The following SLCO4A1 variants were observed in gnomAD, a reference collection of about 807,000 sequenced individuals.
The protein encoded by SLCO4A1 is colon organic anion transporter.
In SLCO4A1, 51 loss-of-function variants were observed where a neutral mutation model predicts 64.6. The ratio of observed to expected loss-of-function variants is 0.79; its 90% CI spans 0.63 to 1.00. The LOEUF is 1.00. Ranked by LOEUF, SLCO4A1 falls within the 50% of genes least tolerant of loss-of-function variation. The pLI, the probability that SLCO4A1 is intolerant of heterozygous loss-of-function variation, is 0.00. For missense variants in SLCO4A1, 919 were observed against 980.5 expected, an observed-to-expected ratio of 0.94 and a Z score of 0.84; for synonymous variants, 471 against 444.9, an observed-to-expected ratio of 1.06 and a Z score of -0.74.
intron 2 of SLCO4A1, among the ~76,000 whole-genome samples, chr20:62,683,226 T>A (rs1456785676): frequency 6.6e-6 from 1 of 152,196 alleles, no homozygotes; most frequent in Non-Finnish European, 1.5e-5. Flanking sequence ...TTCTCTTGTG[T>A]TTAATTCATA....
At chr20:62,648,100 C>CCGGCTGAT (rs1443405451) in intron 1 of SLCO4A1, among the ~76,000 whole-genome samples, 9 of 152,268 alleles carry the variant, frequency 5.9e-5, no homozygotes, top group African/African-American at 1.9e-4. Flanking sequence ...ACATTATCCC[C>CCGGCTGAT]CGGCTGATCG....
intron 1 of SLCO4A1, among the ~76,000 whole-genome samples, chr20:62,655,113 C>G (rs527253307): frequency 1.3e-5 from 2 of 152,366 alleles, no homozygotes; most frequent in East Asian, 3.9e-4. Context: ...AAGACAGCTT[C>G]TTTTAGGGGT....
chr20:62,686,502 G>T (rs774876562), downstream of SLCO4A1, among the ~76,000 whole-genome samples: 8 of 152,186 alleles, frequency 5.3e-5, no homozygotes, highest in Middle Eastern at 3.2e-3. Context: ...GGGAGGGGCC[G>T]GCAGCTGCCT....
At chr20:62,684,658 C>T (rs1346012099) in intron 2 of SLCO4A1, among the ~76,000 whole-genome samples, 2 of 152,166 alleles carry the variant, frequency 1.3e-5, no homozygotes, top group African/African-American at 2.4e-5. Context: ...GCCACTGACA[C>T]GAGCTCATTC....
chr20:62,659,600 G>A (rs1984390455), intron 3 of SLCO4A1, among the ~76,000 whole-genome samples: 1 of 152,098 alleles, frequency 6.6e-6, no homozygotes, highest in Non-Finnish European at 1.5e-5. Flanking sequence ...GCCCCTTCTG[G>A]CTCCGGGATC....
Position 62,669,061 on chromosome 20 carries a change from A to G in SLCO4A1, c.2008A>G (p.Met670Val). 6.2e-7 allele frequency: 1 copy of G among 1,610,828 alleles called. No individual in the cohort carries two copies. Among genetic ancestry groups the G allele is most frequent in the South Asian group, 1.1e-5 (1 of 91,080 alleles). Residue 670 changes from methionine (M) to valine (V), a missense_variant, in exon 11 of 12, where the codon ATG becomes GTG. Coordinates refer to ENST00000217159, the MANE Select transcript of SLCO4A1 (RefSeq NM_016354.4). ...GGCCATGAGCCGCTACATACTCATCATGGGGCTCCTGTACAAGGTAAGCAG... is the reference window on the plus strand; with the variant it reads ...GGCCATGAGCCGCTACATACTCATCGTGGGGCTCCTGTACAAGGTAAGCAG... Reference protein sequence around the residue: ...NSAMSRYILIMGLLYKVLGVL... With the variant: ...NSAMSRYILIVGLLYKVLGVL...
chr20:62,679,126 G>T (rs976291056), intron 2 of SLCO4A1, among the ~76,000 whole-genome samples: 1 of 152,098 alleles, frequency 6.6e-6, no homozygotes, highest in Non-Finnish European at 1.5e-5. Context: ...ATCGCTTGAA[G>T]CTGGGAGGCA....
At chr20:62,688,474 C>A (rs762009099), downstream of SLCO4A1, among the ~76,000 whole-genome samples, 3 of 152,228 alleles carry the variant, frequency 2.0e-5, no homozygotes, top group Non-Finnish European at 4.4e-5. Flanking sequence ...AAAGCTCAGT[C>A]TGTGTGCACA....
chr20:62,664,748 G>T (rs1985758164), intron 5 of SLCO4A1, among the ~76,000 whole-genome samples, 186 bp from the exon 6 acceptor site: 1 of 152,126 alleles, frequency 6.6e-6, no homozygotes, highest in Non-Finnish European at 1.5e-5. Context: ...AATCAGACCG[G>T]GGAGCTGACA....
In SLCO4A1 at chr20:62,657,236, C is replaced by A; in HGVS notation, c.782C>A (p.Ser261Ter). 2 of 1,531,516 alleles carry A rather than the reference C, an allele frequency of 1.3e-6. No homozygotes were observed. Among genetic ancestry groups the A allele is most frequent in the East Asian group, 4.9e-5 (2 of 40,462 alleles). 94.9% of individuals were successfully genotyped at this position (1,531,516 alleles called of 1,614,324 possible). ...GATGAGAACGTCAAGTCCAGCTGCT[C>A]GCCCGTCTACATTGGTGAGTGGGGC... ...YLDENVKSSCSPVYIAIFYTA... is the reference protein window; with the variant it reads ...YLDENVKSSC The change falls in exon 2 of 12, where the codon TCG (serine) becomes TAG (stop). Residue 261 changes from serine to a stop codon, truncating the protein, a stop_gained. Coordinates refer to ENST00000217159, the MANE Select transcript of SLCO4A1 (RefSeq NM_016354.4). LOFTEE classifies it high-confidence loss of function.
rs1205227322 is a variant in SLCO4A1, at chr20:62,685,111, C to T, written n.212-330C>T. Among the ~76,000 whole-genome samples the T allele has an allele frequency of 6.6e-6, 1 of 151,994 alleles. No individual in the cohort carries two copies. Among genetic ancestry groups the T allele is most frequent in the African/African-American group, 2.4e-5 (1 of 41,348 alleles). ...TGGAGGTTGGGGCACGTGTGACCAG[C>T]CAGGGTCATAAAACACACATGGTCA... On this transcript the variant is annotated intron_variant and non_coding_transcript_variant, in intron 2 of 2. Transcript: ENST00000466818. This position sits in a 1 kb window ranked among gnomAD's most constrained non-coding sequence, Gnocchi z 4.6.
At position 62,668,805 on chromosome 20, in the gene SLCO4A1, C is replaced by G. The variant is rs185347118; in HGVS notation, c.1877-125C>G. The G allele has an allele frequency of 5.8e-4, 587 of 1,018,584 alleles. 3 individuals are homozygous for G. The South Asian group carries it at 6.6e-3, about 11-fold the overall frequency. 63.1% of individuals were successfully genotyped at this position (1,018,584 alleles called of 1,614,324 possible). A position where few individuals can be genotyped will look rare whatever the true frequency, so the allele number is the denominator to read the frequency against. ...GAACGTTTAAGCCCTCTTTGCACCC[C>G]CTGAGAACTCCAACGGCCAGTATCA... is the stretch of plus-strand genomic sequence containing the variant. On this transcript the variant is annotated intron_variant, in intron 10 of 11. Transcript: ENST00000217159.
chr20:62,690,740 A>G (rs577891107), downstream of SLCO4A1, among the ~76,000 whole-genome samples: 5 of 152,272 alleles, frequency 3.3e-5, no homozygotes, highest in South Asian at 2.1e-4. Flanking sequence ...GTTTTGTTTT[A>G]TTGACTTTGT....
At chr20:62,689,583 C>T (rs572997697), downstream of SLCO4A1, among the ~76,000 whole-genome samples, 32 of 152,328 alleles carry the variant, frequency 2.1e-4, no homozygotes, top group African/African-American at 7.2e-4. Flanking sequence ...CCCAGCGAGC[C>T]GGGTGCCCAG....
chr20:62,682,649 C>CCACACACACA (rs10552847), intron 2 of SLCO4A1, among the ~76,000 whole-genome samples: 3 of 150,684 alleles, frequency 2.0e-5, no homozygotes, highest in African/African-American at 4.9e-5. Context: ...GACCATGTGA[C>CCACACACACA]CACACACACA....
At chr20:62,686,808 C>T (rs552478581), downstream of SLCO4A1, among the ~76,000 whole-genome samples, 245 of 152,062 alleles carry the variant, frequency 1.6e-3, 2 homozygotes, top group Admixed American at 2.7e-3. Flanking sequence ...CTGGCCAGGG[C>T]GCCCATTGCA....
intron 5 of SLCO4A1, 22 bp from the exon 6 acceptor site, chr20:62,664,912 C>G (rs1223828646): frequency 1.3e-6 from 2 of 1,573,022 alleles, no homozygotes; most frequent in East Asian, 4.5e-5. Context: ...AGTCTCTTCT[C>G]CACACCCCCA....
At chr20:62,650,706 G>C (rs1306982415) in intron 1 of SLCO4A1, 1 of 152,226 alleles carries the variant, frequency 6.6e-6, no homozygotes, top group Non-Finnish European at 1.5e-5. Context: ...GACCAGGATG[G>C]GGGCGCTGGC....
At chr20:62,682,014 G>C (rs911599312) in intron 2 of SLCO4A1, among the ~76,000 whole-genome samples, 2 of 152,338 alleles carry the variant, frequency 1.3e-5, no homozygotes, top group East Asian at 3.9e-4. Context: ...CATCCCCTGA[G>C]CTAGGACTGA....
Sources: allele counts gnomAD v4.1 joint callset (sites outside exome capture counted in the v4.1 genomes callset), GRCh38; gene constraint gnomAD v4.1.1; non-coding constraint Gnocchi (gnomAD v3.1); transcripts MANE v1.5; gene names NCBI Gene and HGNC (gene_info 2026-07-23, HGNC 2026-07-21).